The following BLTP1 variants were observed in gnomAD, a reference collection of about 807,000 sequenced individuals.
BLTP1 encodes bridge-like lipid transfer protein family member 1, also known as fragile site-associated protein.
At chr4:122,342,416 C>T in the BLTP1 span, among the ~76,000 whole-genome samples, 2 of 151,828 alleles carry the variant, frequency 1.3e-5, no homozygotes, top group East Asian at 1.9e-4. Context: ...AGTGTAGTGG[C>T]GCCATCTCAG....
the BLTP1 span, chr4:122,315,367 CATTAGTT>C: frequency 6.7e-7 from 1 of 1,490,270 alleles, no homozygotes; most frequent in Non-Finnish European, 9.2e-7. Context: ...CAGTGAAAGA[CATTAGTT>C]ATTATATGTG....
At chr4:122,328,459 G>T in the BLTP1 span, 1 of 1,068,444 alleles carries the variant, frequency 9.4e-7, no homozygotes, top group Middle Eastern at 3.2e-4. Flanking sequence ...CATTTTTAAT[G>T]TGCCTCGCTT....
the BLTP1 span, chr4:122,273,566 G>A: frequency 1.0e-5 from 4 of 393,126 alleles, no homozygotes; most frequent in Non-Finnish European, 1.4e-5. Context: ...GTGAGAATTA[G>A]AGAAATGGAC....
the BLTP1 span, chr4:122,255,121 T>C: frequency 3.1e-6 from 5 of 1,598,232 alleles, no homozygotes; most frequent in Non-Finnish European, 4.3e-6. Flanking sequence ...TTGTTGTTTC[T>C]TGATTTTAGA....
the BLTP1 span, chr4:122,346,684 G>A: frequency 6.2e-7 from 1 of 1,613,294 alleles, no homozygotes; most frequent in Non-Finnish European, 8.5e-7. Context: ...GTGAAATTCT[G>A]GCATTTCCAA....
the BLTP1 span, chr4:122,289,846 T>C: frequency 6.3e-6 from 6 of 949,544 alleles, no homozygotes; most frequent in South Asian, 2.9e-4. Context: ...AGTATCTAGG[T>C]ATTCACTTAC....
At chr4:122,209,770 T>G in the BLTP1 span, 32 of 1,593,374 alleles carry the variant, frequency 2.0e-5, no homozygotes, top group Non-Finnish European at 2.7e-5. Flanking sequence ...TCTGTACAAT[T>G]AAAGGAATGA....
chr4:122,152,948 C>G, the BLTP1 span: 1 of 973,224 alleles, frequency 1.0e-6, no homozygotes, highest in Admixed American at 6.2e-5. Flanking sequence ...TTGTAGTAGA[C>G]CCCATGCTGC....
At chr4:122,335,766 A>G in the BLTP1 span, among the ~76,000 whole-genome samples, 2 of 152,094 alleles carry the variant, frequency 1.3e-5, no homozygotes, top group African/African-American at 4.8e-5. Flanking sequence ...TAGTTAGGTA[A>G]AAGGAAAGAG....
the BLTP1 span, chr4:122,224,562 G>T: frequency 6.2e-7 from 1 of 1,614,036 alleles, no homozygotes; most frequent in Non-Finnish European, 8.5e-7. Context: ...CTCCAGCTGA[G>T]AGCACACGCT....
chr4:122,267,563 T>C, the BLTP1 span: 6 of 752,268 alleles, frequency 8.0e-6, no homozygotes, highest in Non-Finnish European at 9.7e-6. Context: ...GCTCTTGTAA[T>C]AGTGGAATTT....
chr4:122,186,299 G>GTTTAGGTGCATAGCCT, the BLTP1 span: 2 of 1,116,210 alleles, frequency 1.8e-6, no homozygotes, highest in Non-Finnish European at 2.4e-6. Flanking sequence ...TTGAGGCTAT[G>GTTTAGGTGCATAGCCT]CACCTAAACA....
chr4:122,190,128 ACT>A, the BLTP1 span: 4 of 1,605,914 alleles, frequency 2.5e-6, no homozygotes, highest in South Asian at 1.1e-5. Context: ...ACAGAGTGAG[ACT>A]CTGTCACACA....
chr4:122,196,992 A>C, the BLTP1 span: 1 of 169,780 alleles, frequency 5.9e-6, no homozygotes, highest in African/African-American at 2.4e-5. Flanking sequence ...ATAGACCTTC[A>C]TGCTATATTC....
the BLTP1 span, chr4:122,211,154 A>G: frequency 7.0e-7 from 1 of 1,423,728 alleles, no homozygotes; most frequent in Non-Finnish European, 9.6e-7. Flanking sequence ...ATTAAAATTT[A>G]ATTGAAAATT....
chr4:122,160,584 AT>A, the BLTP1 span, among the ~76,000 whole-genome samples: 1 of 152,216 alleles, frequency 6.6e-6, no homozygotes, highest in Non-Finnish European at 1.5e-5. Context: ...TCACAAAGTC[AT>A]TTGTTCCAGG....
At chr4:122,230,231 A>C in the BLTP1 span, 2 of 1,604,184 alleles carry the variant, frequency 1.2e-6, no homozygotes, top group Non-Finnish European at 1.7e-6. Context: ...AATGTTAAGA[A>C]TGGCAGTAGT....
At chr4:122,210,828 A>T in the BLTP1 span, 945 of 1,575,668 alleles carry the variant, frequency 6.0e-4, no homozygotes, top group Non-Finnish European at 7.1e-4. Context: ...AGATCTTCCA[A>T]GAAGTCTTTT....
chr4:122,293,503 G>C, the BLTP1 span, among the ~76,000 whole-genome samples: 1 of 152,018 alleles, frequency 6.6e-6, no homozygotes, highest in Non-Finnish European at 1.5e-5. Context: ...TTTTCCCACA[G>C]ATCTTTGCAA....
Sources: allele counts gnomAD v4.1 joint callset (sites outside exome capture counted in the v4.1 genomes callset), GRCh38; gene constraint gnomAD v4.1.1; transcripts MANE v1.5; gene names NCBI Gene and HGNC (gene_info 2026-07-23, HGNC 2026-07-21).